The following GOLT1A variants were observed in gnomAD, a reference collection of about 807,000 sequenced individuals.
GOLT1A encodes vesicle transport protein GOT1A.
GOLT1A carries 10 observed loss-of-function variants against 16.1 expected under a neutral mutation model. That is an observed-to-expected ratio of 0.62 (90% CI 0.38 to 1.05). GOLT1A has a LOEUF of 1.05. GOLT1A is among the 50% of genes least tolerant of loss of function. The pLI is 0.01. For synonymous variants in GOLT1A, 60 were observed against 67.9 expected (o/e 0.88, Z 0.57); for missense variants, 137 against 165.7 (o/e 0.83, Z 0.95).
intron 1 of GOLT1A, among the ~76,000 whole-genome samples, chr1:204,205,914 A>G (rs1052225274): frequency 2.0e-5 from 3 of 152,178 alleles, no homozygotes; most frequent in African/African-American, 7.2e-5. Flanking sequence ...TACTAAAAAT[A>G]CAAAAATTAG....
At chr1:204,202,459 A>G (rs1345303292) in intron 2 of GOLT1A, among the ~76,000 whole-genome samples, 1 of 151,554 alleles carries the variant, frequency 6.6e-6, no homozygotes, top group East Asian at 1.9e-4. Flanking sequence ...CCTCTCCACC[A>G]TTCTCCAATT....
At chr1:204,208,458 ACTTGTGTGTGTGTGTG>A (rs1557987249) in intron 1 of GOLT1A, among the ~76,000 whole-genome samples, 68 of 58,906 alleles carry the variant, frequency 1.2e-3, no homozygotes, top group South Asian at 2.5e-3. Flanking sequence ...ATATATGTAT[ACTTGTGTGTGTGTGTG>A]TGTATATATA....
chr1:204,203,996 C>T (rs998710113), intron 1 of GOLT1A, among the ~76,000 whole-genome samples: 2 of 152,112 alleles, frequency 1.3e-5, no homozygotes, highest in Admixed American at 6.5e-5. Flanking sequence ...TATTTCAGAT[C>T]GCTCCCCTCA....
chr1:204,203,078 T>C (rs1019115680), intron 1 of GOLT1A, 91 bp from the exon 2 acceptor site: 2 of 881,316 alleles, frequency 2.3e-6, no homozygotes, highest in Admixed American at 4.1e-5. Flanking sequence ...ACAGGTGCCC[T>C]CTATGGGGGT....
chr1:204,209,514 G>C lies in GOLT1A; in HGVS notation c.25+4368C>G, dbSNP rs550136379. 4.6e-5 allele frequency among the ~76,000 whole-genome samples: 7 copies of C among 152,338 alleles called. No homozygotes were observed. In the East Asian group the frequency reaches 1.2e-3, roughly 25 times the overall value. On this transcript the variant is annotated intron_variant, in intron 1 of 4. Coordinates refer to ENST00000308302, the MANE Select transcript of GOLT1A (RefSeq NM_198447.2). ...AAGGAGGGAAATAAGGAGAGAAAGA[G>C]CCTCATTCACTTTTTAAAATTAGCA...
At chr1:204,200,299 G>GTATGTATATATATATATATATATATATA (rs1658932763) in intron 3 of GOLT1A, among the ~76,000 whole-genome samples, 5 of 82,684 alleles carry the variant, frequency 6.0e-5, no homozygotes, top group African/African-American at 1.1e-4. Flanking sequence ...ACATATATGT[G>GTATGTATATATATATATATATATATATA]TATATATATA....
chr1:204,204,430 A>G (rs1216639997), intron 1 of GOLT1A, among the ~76,000 whole-genome samples: 2 of 152,200 alleles, frequency 1.3e-5, no homozygotes, highest in Non-Finnish European at 2.9e-5. Flanking sequence ...TATTTCACTT[A>G]TCATAACGTT....
chr1:204,204,178 G>T (rs114216688), intron 1 of GOLT1A, among the ~76,000 whole-genome samples: 1 of 152,018 alleles, frequency 6.6e-6, no homozygotes, highest in African/African-American at 2.4e-5. Flanking sequence ...TTGTGGCAAC[G>T]TGCACATAAA....
chr1:204,201,516 C>T (rs1658961003), intron 3 of GOLT1A, 117 bp downstream of exon 3: 8 of 1,058,482 alleles, frequency 7.6e-6, no homozygotes, highest in Non-Finnish European at 9.7e-6. Context: ...TCCAAGGTGT[C>T]CATGGTTCTC....
At chr1:204,203,947 G>A (rs745379324) in intron 1 of GOLT1A, among the ~76,000 whole-genome samples, 1 of 152,124 alleles carries the variant, frequency 6.6e-6, no homozygotes, top group East Asian at 1.9e-4. Context: ...AGGCCCCCTC[G>A]TTTGGTCAAG....
intron 1 of GOLT1A, among the ~76,000 whole-genome samples, chr1:204,206,714 G>A (rs552810896): frequency 6.6e-6 from 1 of 152,332 alleles, no homozygotes; most frequent in Admixed American, 6.5e-5. Context: ...CATTTTACGG[G>A]GTTTTCATTT....
intron 1 of GOLT1A, among the ~76,000 whole-genome samples, chr1:204,209,541 T>C (rs1029354321): frequency 6.6e-6 from 1 of 152,192 alleles, no homozygotes; most frequent in Non-Finnish European, 1.5e-5. Context: ...AAATTAGCAA[T>C]AGTGATTGAT....
intron 1 of GOLT1A, among the ~76,000 whole-genome samples, chr1:204,206,055 A>T (rs1659034541): frequency 6.6e-6 from 1 of 152,146 alleles, no homozygotes; most frequent in South Asian, 2.1e-4. Flanking sequence ...GGGTAACAAG[A>T]GCAAAACTCC....
intron 1 of GOLT1A, among the ~76,000 whole-genome samples, chr1:204,207,131 A>G (rs945214930): frequency 6.6e-6 from 1 of 152,208 alleles, no homozygotes; most frequent in Non-Finnish European, 1.5e-5. Context: ...GGTTACTCCT[A>G]AAGTTCTTTT....
At chr1:204,200,293 A>ATGTG (rs1658930628) in intron 3 of GOLT1A, among the ~76,000 whole-genome samples, 1 of 82,050 alleles carries the variant, frequency 1.2e-5, no homozygotes, top group Middle Eastern at 5.1e-3. Flanking sequence ...AAAATGACAT[A>ATGTG]TATGTGTATA....
chr1:204,198,866 G>A, intron 4 of GOLT1A: 1 of 473,356 alleles, frequency 2.1e-6, no homozygotes, highest in Non-Finnish European at 3.8e-6. Flanking sequence ...CAGATCCCCA[G>A]AAATCTCAGG....
chr1:204,212,902 C>T (rs116506447), intron 1 of GOLT1A, among the ~76,000 whole-genome samples: 155 of 152,286 alleles, frequency 1.0e-3, no homozygotes, highest in African/African-American at 3.5e-3. Flanking sequence ...TCTTCAAACA[C>T]ACCAAGTATG....
At chr1:204,211,391 C>G (rs915297516) in intron 1 of GOLT1A, among the ~76,000 whole-genome samples, 1 of 152,352 alleles carries the variant, frequency 6.6e-6, no homozygotes. Context: ...ACACTGTTCT[C>G]CATGGCTTCC....
At chr1:204,206,973 C>T (rs546244412) in intron 1 of GOLT1A, among the ~76,000 whole-genome samples, 25 of 152,328 alleles carry the variant, frequency 1.6e-4, no homozygotes, top group South Asian at 6.2e-4. Context: ...TCTTTATGGG[C>T]CACACTTAGT....
Sources: allele counts gnomAD v4.1 joint callset (sites outside exome capture counted in the v4.1 genomes callset), GRCh38; gene constraint gnomAD v4.1.1; transcripts MANE v1.5; gene names NCBI Gene and HGNC (gene_info 2026-07-23, HGNC 2026-07-21).